Variants in RBFOX1 observed in about 807,000 individuals in gnomAD.
RBFOX1 encodes the protein RNA binding protein fox-1 homolog 1.
A neutral mutation model predicts 57.7 loss-of-function variants in RBFOX1; 8 were observed. That is an observed-to-expected ratio of 0.14 (90% CI 0.08 to 0.25). The LOEUF is 0.25. Among genes scored for constraint, RBFOX1 ranks in the 10% least tolerant of loss-of-function variants. The pLI is 1.00. For missense variants in RBFOX1, 611 were observed against 548.5 expected (o/e 1.11, Z -1.14); for synonymous variants, 326 against 222.4 (o/e 1.47, Z -4.15).
chr16:6,591,276 C>T (rs1199727467), intron 2 of RBFOX1, among the ~76,000 whole-genome samples: 3 of 152,088 alleles, frequency 2.0e-5, no homozygotes, highest in African/African-American at 4.8e-5. Flanking sequence ...TGAAACACCA[C>T]CTCTACTAAA....
At chr16:6,498,990 C>T (rs938124566) in intron 2 of RBFOX1, among the ~76,000 whole-genome samples, 2 of 152,154 alleles carry the variant, frequency 1.3e-5, no homozygotes, top group African/African-American at 4.8e-5. Context: ...ATGGTTAATG[C>T]AACAGTGAAA....
intron 1 of RBFOX1, among the ~76,000 whole-genome samples, chr16:5,306,041 C>G (rs1043563989): frequency 2.6e-5 from 4 of 151,912 alleles, no homozygotes; most frequent in Non-Finnish European, 5.9e-5. Context: ...AAATTAGACA[C>G]ATACACAAAA....
chr16:6,195,563 C>CA (rs1436450800), intron 1 of RBFOX1, among the ~76,000 whole-genome samples: 2 of 151,812 alleles, frequency 1.3e-5, no homozygotes, highest in Non-Finnish European at 2.9e-5. Flanking sequence ...ACTAAAAATA[C>CA]AAAAAATTAG....
chr16:6,815,410 CT>C (rs1427586629), intron 3 of RBFOX1, among the ~76,000 whole-genome samples: 1 of 152,122 alleles, frequency 6.6e-6, no homozygotes, highest in Non-Finnish European at 1.5e-5. Flanking sequence ...CTTACTTTAC[CT>C]AACCCCTTTT....
chr16:6,545,155 A>G (rs1160566833), intron 2 of RBFOX1, among the ~76,000 whole-genome samples: 2 of 152,138 alleles, frequency 1.3e-5, no homozygotes, highest in African/African-American at 4.8e-5. Flanking sequence ...CATTTTTGCC[A>G]CTTTAATCCA....
chr16:6,324,017 C>T (rs984012768), intron 2 of RBFOX1, among the ~76,000 whole-genome samples: 2 of 152,122 alleles, frequency 1.3e-5, no homozygotes, highest in African/African-American at 4.8e-5. Flanking sequence ...AAGTGGTCTG[C>T]CCGCCTCAGC....
intron 1 of RBFOX1, among the ~76,000 whole-genome samples, chr16:6,139,305 G>C (rs751417624): frequency 3.9e-5 from 6 of 152,106 alleles, no homozygotes; most frequent in Non-Finnish European, 8.8e-5. Context: ...AGTATAAGGA[G>C]GTGGAAACAC....
intron 4 of RBFOX1, among the ~76,000 whole-genome samples, chr16:5,979,015 G>T (rs1350566013): frequency 6.6e-6 from 1 of 152,174 alleles, no homozygotes; most frequent in East Asian, 1.9e-4. Flanking sequence ...CTAGGCCTAG[G>T]CCCCTCTCGC....
Position 6,019,793 on chromosome 16 carries a change from G to A in RBFOX1, c.-326G>A, listed in dbSNP as rs1022899026. On this transcript the variant is annotated 5_prime_UTR_variant, in exon 1 of 16. Transcript: ENST00000550418. The surrounding 1 kb of genome is among the most constrained non-coding windows in gnomAD (Gnocchi z 4.2). ...TGGCCGCCAGGGTCCCCGCCTGTCC[G>A]GACCCTCGCCGCGCCCAGGCAGGCG... 15 of 1,475,976 alleles carry A rather than the reference G, an allele frequency of 1.0e-5. No homozygotes were observed. The Admixed American group carries it at 1.1e-4, about 11-fold the overall frequency. The allele number at this position is 1,475,976 out of a possible 1,614,324, so 91.4% of individuals were successfully genotyped here.
At chr16:6,988,207 A>G (rs1219954704) in intron 3 of RBFOX1, among the ~76,000 whole-genome samples, 1 of 152,126 alleles carries the variant, frequency 6.6e-6, no homozygotes, top group Non-Finnish European at 1.5e-5. Flanking sequence ...CTCCCCCTAA[A>G]TTTTTGGAAA....
intron 3 of RBFOX1, among the ~76,000 whole-genome samples, chr16:5,851,951 C>T (rs1017351406): frequency 8.5e-5 from 13 of 152,292 alleles, no homozygotes; most frequent in Middle Eastern, 3.4e-3. Context: ...GAATTAAAAG[C>T]TCCAGCCCAC....
At chr16:5,614,724 A>T (rs1216462264) in intron 3 of RBFOX1, among the ~76,000 whole-genome samples, 1 of 152,232 alleles carries the variant, frequency 6.6e-6, no homozygotes, top group African/African-American at 2.4e-5. Context: ...AGACACATTT[A>T]TTGAGTGCTT....
intron 1 of RBFOX1, among the ~76,000 whole-genome samples, chr16:6,100,661 GATCT>G (rs1291932462): frequency 1.3e-5 from 2 of 152,116 alleles, no homozygotes; most frequent in African/African-American, 4.8e-5. Flanking sequence ...TCCATACATT[GATCT>G]ATCTAACATT....
chr16:6,186,208 T>C (rs1598180398), intron 1 of RBFOX1, among the ~76,000 whole-genome samples: 1 of 152,148 alleles, frequency 6.6e-6, no homozygotes, highest in East Asian at 1.9e-4. Context: ...CCTGGGTTCG[T>C]CATCATCAGT....
At chr16:6,934,132 G>C (rs976498894) in intron 3 of RBFOX1, among the ~76,000 whole-genome samples, 4 of 152,064 alleles carry the variant, frequency 2.6e-5, no homozygotes, top group African/African-American at 9.7e-5. Flanking sequence ...TAGTGAGACA[G>C]GGAACTTCCT....
chr16:5,597,395 C>CTT (rs35058375), intron 2 of RBFOX1, among the ~76,000 whole-genome samples: 18,565 of 113,960 alleles, frequency 0.16, 1,810 homozygotes, highest in Non-Finnish European at 0.19. Context: ...AGCTTGCTGA[C>CTT]TTTTTTTTTT....
At chr16:6,678,053 C>G (rs893569454) in intron 3 of RBFOX1, among the ~76,000 whole-genome samples, 3 of 152,178 alleles carry the variant, frequency 2.0e-5, no homozygotes, top group Non-Finnish European at 4.4e-5. Flanking sequence ...ATTAATTTTC[C>G]TCATATAATC....
chr16:6,669,732 T>C (rs1222848858), intron 3 of RBFOX1, among the ~76,000 whole-genome samples: 1 of 152,194 alleles, frequency 6.6e-6, no homozygotes, highest in African/African-American at 2.4e-5. Context: ...TGAAAGGTTT[T>C]CTGGGTGCTT....
At chr16:6,270,595 A>G (rs143068354) in intron 1 of RBFOX1, among the ~76,000 whole-genome samples, 22 of 152,288 alleles carry the variant, frequency 1.4e-4, no homozygotes, top group African/African-American at 5.3e-4. Flanking sequence ...AGAAAGAAAT[A>G]TATAACTCAA....
Sources: allele counts gnomAD v4.1 joint callset (sites outside exome capture counted in the v4.1 genomes callset), GRCh38; gene constraint gnomAD v4.1.1; non-coding constraint Gnocchi (gnomAD v3.1); transcripts MANE v1.5; gene names NCBI Gene and HGNC (gene_info 2026-07-23, HGNC 2026-07-21).